Variants in MRC1 observed in about 807,000 individuals in gnomAD.
MRC1 encodes mannose receptor C-type 1.
MRC1 carries 62 observed loss-of-function variants against 102.9 expected under a neutral mutation model. The observed-to-expected ratio is 0.60, with a 90% CI of 0.49 to 0.74. MRC1 has a LOEUF of 0.74. MRC1 is among the 30% of genes least tolerant of loss of function. MRC1 has a pLI of 0.00. For synonymous variants in MRC1, 457 were observed against 298.4 expected, an observed-to-expected ratio of 1.53 and a Z score of -5.48; for missense variants, 1,237 against 862.8, an observed-to-expected ratio of 1.43 and a Z score of -5.43.
chr10:17,870,374 G>C lies in MRC1; in HGVS notation c.2111+1G>C. ...AGCAAACAATATGGCGATTAATAAC[G>C]TAAGTGGTATTTTTATGGATTCCTC... On this transcript the variant is annotated splice_donor_variant, in intron 13 of 29. Coordinates refer to ENST00000569591, the MANE Select transcript of MRC1 (RefSeq NM_002438.4). LOFTEE classifies it high-confidence loss of function. 1 of 780,262 alleles carries C rather than the reference G, an allele frequency of 1.3e-6. No individual in the cohort carries two copies. Among genetic ancestry groups the C allele is most frequent in the Non-Finnish European group, 2.4e-6 (1 of 417,602 alleles). 48.3% of individuals were successfully genotyped at this position (780,262 alleles called of 1,614,324 possible).
At chr10:17,840,618 G>T in intron 4 of MRC1, 75 bp from the exon 5 acceptor site, 1 of 774,508 alleles carries the variant, frequency 1.3e-6, no homozygotes, top group South Asian at 1.4e-5. Context: ...CAAGCACTTA[G>T]TTCTGAATTT....
chr10:17,829,533 A>G (rs1838537156), intron 3 of MRC1, among the ~76,000 whole-genome samples: 1 of 151,552 alleles, frequency 6.6e-6, no homozygotes, highest in South Asian at 2.1e-4. Flanking sequence ...CTTTAGAAAG[A>G]CATTTGATTT....
chr10:17,819,350 A>C (rs1434719791), intron 1 of MRC1, among the ~76,000 whole-genome samples: 1 of 152,026 alleles, frequency 6.6e-6, no homozygotes, highest in Non-Finnish European at 1.5e-5. Flanking sequence ...CATTTTCAAG[A>C]GAGGAAGATT....
chr10:17,875,542 C>A (rs1271815136), intron 17 of MRC1, among the ~76,000 whole-genome samples: 1 of 152,142 alleles, frequency 6.6e-6, no homozygotes, highest in South Asian at 2.1e-4. Flanking sequence ...TGAGTTACTT[C>A]CCTTAGAATA....
intron 12 of MRC1, among the ~76,000 whole-genome samples, chr10:17,869,164 G>A (rs1265681617): frequency 6.6e-6 from 1 of 152,184 alleles, no homozygotes; most frequent in Non-Finnish European, 1.5e-5. Context: ...GGTACTTGGG[G>A]TAGGGTTTGT....
intron 18 of MRC1, among the ~76,000 whole-genome samples, 190 bp from the exon 19 acceptor site, chr10:17,879,531 A>G (rs1421962010): frequency 4.6e-5 from 7 of 151,762 alleles, no homozygotes; most frequent in African/African-American, 1.5e-4. Flanking sequence ...TTTTTTTTTA[A>G]TTTTAATTTT....
intron 6 of MRC1, among the ~76,000 whole-genome samples, chr10:17,849,210 G>C (rs1838874492): frequency 6.6e-6 from 1 of 151,412 alleles, no homozygotes; most frequent in Admixed American, 6.6e-5. Flanking sequence ...GCTGAGGCAG[G>C]AGGACTGCTT....
At chr10:17,881,015 T>A (rs1219909289) in intron 20 of MRC1, 52 bp from the exon 21 acceptor site, 1 of 778,870 alleles carries the variant, frequency 1.3e-6, no homozygotes, top group Non-Finnish European at 2.4e-6. Flanking sequence ...TTGATCATCT[T>A]TAGTTAACCC....
intron 9 of MRC1, among the ~76,000 whole-genome samples, chr10:17,860,362 A>C (rs1336274081): frequency 6.7e-6 from 1 of 148,374 alleles, no homozygotes; most frequent in Non-Finnish European, 1.5e-5. Flanking sequence ...TGTAGCCTCC[A>C]CCTCCTTGGC....
intron 26 of MRC1, among the ~76,000 whole-genome samples, chr10:17,904,258 A>C (rs1421633449): frequency 3.3e-5 from 5 of 152,122 alleles, no homozygotes; most frequent in African/African-American, 1.2e-4. Context: ...GGTTTGAGTT[A>C]CTGTTGAGTG....
At chr10:17,821,996 A>G (rs1838402838) in intron 1 of MRC1, among the ~76,000 whole-genome samples, 1 of 152,212 alleles carries the variant, frequency 6.6e-6, no homozygotes, top group South Asian at 2.1e-4. Context: ...TTCCTTAACA[A>G]TAAAGAAAAA....
chr10:17,863,466 T>G, intron 10 of MRC1, 68 bp from the exon 11 acceptor site: 1 of 778,996 alleles, frequency 1.3e-6, no homozygotes, highest in Admixed American at 1.7e-5. Context: ...AGTTTCCACG[T>G]TGATAATTTT....
rs1294214336 is a variant in MRC1, at chr10:17,845,447, A to G, written c.1063+12A>G. ...TGTTATTCCCTCAGGTAAGTGATCT[A>G]TGGGATCTGAAGTGCCTCAACTATT... On this transcript the variant is annotated intron_variant, in intron 6 of 29. Transcript: ENST00000569591. 1.3e-6 allele frequency: 1 copy of G among 780,876 alleles called. No individual in the cohort carries two copies. The highest frequency in any genetic ancestry group is 2.4e-6 in the Non-Finnish European group (1 of 417,944). The allele number at this position is 780,876 out of a possible 1,614,324, so 48.4% of individuals were successfully genotyped here.
At chr10:17,817,499 T>G (rs1006593291) in intron 1 of MRC1, among the ~76,000 whole-genome samples, 6 of 152,198 alleles carry the variant, frequency 3.9e-5, no homozygotes, top group African/African-American at 1.2e-4. Context: ...AGGAAACTTA[T>G]GTCTTTTGTT....
intron 5 of MRC1, among the ~76,000 whole-genome samples, chr10:17,841,758 T>A (rs1278675422): frequency 1.4e-5 from 2 of 146,740 alleles, no homozygotes; most frequent in East Asian, 2.0e-4. Context: ...TTTTTTTTTT[T>A]AGGAAAGAGT....
chr10:17,861,006 G>A (rs1461474169), intron 9 of MRC1, among the ~76,000 whole-genome samples: 1 of 152,188 alleles, frequency 6.6e-6, no homozygotes, highest in Non-Finnish European at 1.5e-5. Context: ...GATAGAAAAA[G>A]TATTAAAATA....
Position 17,894,092 on chromosome 10 carries a change from G to A in MRC1, c.3148-118G>A, listed in dbSNP as rs1833718348. On this transcript the variant is annotated intron_variant, in intron 22 of 29. Transcript: ENST00000569591. ...ATGGATTGAGCATATCTTAAGTTAG[G>A]ACAATCTTAAAATTTGGAAATCAGG... 6.7e-6 allele frequency: 5 copies of A among 747,790 alleles called. No individual in the cohort carries two copies. The South Asian group carries it at 7.5e-5, about 11-fold the overall frequency. 46.3% of individuals were successfully genotyped at this position (747,790 alleles called of 1,614,324 possible). A position where few individuals can be genotyped will look rare whatever the true frequency, so the allele number is the denominator to read the frequency against.
At position 17,903,392 on chromosome 10, in the gene MRC1, C is replaced by CTTTTTTTTTTTTTTTTT. The variant is rs35118275; in HGVS notation, c.3799+1275_3799+1291dup. On this transcript the variant is annotated intron_variant, in intron 26 of 29. Transcript: ENST00000569591. The stretch of plus-strand genomic sequence containing the variant: ...TTTTCTTTTTCTTTTCTTTTTTTTT[C>CTTTTTTTTTTTTTTTTT]TTTTTTTTTTTTTTTTTTTTTGAGA... Among the ~76,000 whole-genome samples the CTTTTTTTTTTTTTTTTT allele has an allele frequency of 2.2e-3, 196 of 88,862 alleles. 2 individuals are homozygous for CTTTTTTTTTTTTTTTTT. The highest frequency in any genetic ancestry group is 3.2e-3 in the Non-Finnish European group (143 of 45,228). The allele number at this position is 88,862 out of a possible 152,430, so 58.3% of individuals were successfully genotyped here. A position where few individuals can be genotyped will look rare whatever the true frequency, so the allele number is the denominator to read the frequency against.
At chr10:17,856,187 A>AAG in intron 8 of MRC1, 55 bp from the exon 9 acceptor site, 3 of 756,720 alleles carry the variant, frequency 4.0e-6, no homozygotes. Flanking sequence ...AAAAAAAAAA[A>AAG]AAGGTCCCCA....
Sources: gnomAD v4.1 joint callset for allele counts (sites outside exome capture counted in the v4.1 genomes callset) on GRCh38, gnomAD v4.1.1 for gene constraint, MANE v1.5 for transcripts, NCBI Gene and HGNC (gene_info 2026-07-23, HGNC 2026-07-21) for gene names.